Variants in ZNF608 observed in about 807,000 individuals in gnomAD.
ZNF608 encodes zinc finger protein 608, also known as renal carcinoma antigen NY-REN-36.
Under a neutral mutation model 109.0 loss-of-function variants are expected in ZNF608, and 12 were observed. That is an observed-to-expected ratio of 0.11 (90% CI 0.07 to 0.18). ZNF608 has a LOEUF of 0.18. Among genes scored for constraint, ZNF608 ranks in the 10% least tolerant of loss-of-function variants. The pLI is 1.00. For synonymous variants in ZNF608, 732 were observed against 717.4 expected, an observed-to-expected ratio of 1.02 and a Z score of -0.33; for missense variants, 1,707 against 1,879.3, an observed-to-expected ratio of 0.91 and a Z score of 1.70.
chr5:124,671,367 T>C (rs187846601), intron 3 of ZNF608, among the ~76,000 whole-genome samples: 255 of 152,290 alleles, frequency 1.7e-3, no homozygotes, highest in African/African-American at 6.0e-3. Context: ...CCTTGCCACC[T>C]GGGGTTTTAA....
intron 2 of ZNF608, among the ~76,000 whole-genome samples, chr5:124,739,037 A>C (rs1044745567): frequency 7.2e-5 from 11 of 152,222 alleles, no homozygotes; most frequent in African/African-American, 2.7e-4. Flanking sequence ...TCTTAGGAAG[A>C]GCAAGAATGC....
intron 2 of ZNF608, among the ~76,000 whole-genome samples, chr5:124,707,031 C>A (rs554212734): frequency 4.3e-4 from 65 of 152,244 alleles, no homozygotes; most frequent in African/African-American, 1.3e-3. Flanking sequence ...TGCAGGGAAA[C>A]CCTGGCAATA....
chr5:124,669,872 T>C (rs535493514), intron 3 of ZNF608, among the ~76,000 whole-genome samples: 1 of 152,320 alleles, frequency 6.6e-6, no homozygotes, highest in East Asian at 1.9e-4. Flanking sequence ...AAGAAAAATG[T>C]ACATTATACA....
intron 1 of ZNF608, chr5:124,745,468 A>G (rs1365741230): frequency 1.3e-5 from 2 of 153,618 alleles, no homozygotes; most frequent in East Asian, 1.9e-4. Context: ...CAAGTCCAGA[A>G]AGGTTTTTGT....
At position 124,746,459 on chromosome 5, in the gene ZNF608, A is replaced by G; in HGVS notation, c.-448T>C. 1 of 985,332 alleles carries G rather than the reference A, an allele frequency of 1.0e-6. No individual in the cohort carries two copies. The highest frequency in any genetic ancestry group is 1.2e-6 in the Non-Finnish European group (1 of 829,894). 61.0% of individuals were successfully genotyped at this position (985,332 alleles called of 1,614,324 possible). ...GAAAATAATGTTTCACATTCACAAC[A>G]GAAGCACCAAAGGTTTTTTTTTCCT... On this transcript the variant is annotated 5_prime_UTR_variant, in exon 1 of 10. Transcript: ENST00000513986.
chr5:124,690,924 AACACACAC>A lies in ZNF608; in HGVS notation c.1162+10082_1162+10089del, dbSNP rs35022360. 9.2e-5 allele frequency among the ~76,000 whole-genome samples: 8 copies of A among 86,994 alleles called. No individual in the cohort carries two copies. In the South Asian group the frequency reaches 2.3e-3, roughly 25 times the overall value. 57.1% of individuals were successfully genotyped at this position (86,994 alleles called of 152,430 possible). Reference sequence around the variant, plus strand: ...AGGGACTCCTTCAAAGCAACAGAAAAACACACACACACACACACACACACACACACATA... The same window carrying A: ...AGGGACTCCTTCAAAGCAACAGAAAAACACACACACACACACACACACATA... On this transcript the variant is annotated intron_variant, in intron 3 of 9. Coordinates refer to ENST00000513986, the MANE Select transcript of ZNF608 (RefSeq NM_020747.3).
chr5:124,669,658 A>C (rs201927403), intron 3 of ZNF608, among the ~76,000 whole-genome samples: 135 of 148,278 alleles, frequency 9.1e-4, no homozygotes, highest in African/African-American at 3.3e-3. Context: ...AACACACACA[A>C]ACACACACAC....
upstream of ZNF608, chr5:124,748,553 G>A (rs555108420): frequency 2.0e-6 from 2 of 985,350 alleles, no homozygotes; most frequent in African/African-American, 3.5e-5. Context: ...GGATCGAGTT[G>A]ACCTTTTCCT....
At chr5:124,693,687 A>T (rs976003831) in intron 3 of ZNF608, among the ~76,000 whole-genome samples, 9 of 152,178 alleles carry the variant, frequency 5.9e-5, no homozygotes, top group African/African-American at 2.2e-4. Context: ...TATTTTTCAC[A>T]TTGACAAGAG....
intron 2 of ZNF608, among the ~76,000 whole-genome samples, chr5:124,731,841 A>T (rs1383620710): frequency 6.6e-6 from 1 of 152,162 alleles, no homozygotes; most frequent in African/African-American, 2.4e-5. Context: ...ACAAAAAAAA[A>T]GTTTGGAGTT....
chr5:124,688,795 A>G (rs964997648), intron 3 of ZNF608, among the ~76,000 whole-genome samples: 10 of 152,242 alleles, frequency 6.6e-5, no homozygotes, highest in Admixed American at 5.9e-4. Context: ...TGGTGTGTCC[A>G]TTCCATGGAA....
chr5:124,650,365 T>C (rs945896574), intron 3 of ZNF608, among the ~76,000 whole-genome samples: 3 of 152,210 alleles, frequency 2.0e-5, no homozygotes, highest in Admixed American at 6.5e-5. Context: ...ACTCCTAAAA[T>C]AGCCCTCTTA....
chr5:124,744,367 C>A lies in ZNF608; in HGVS notation c.623G>T (p.Gly208Val). The change falls in exon 2 of 10, where the codon GGG becomes GTG. Residue 208 changes from glycine to valine, a missense_variant. Physicochemically the swap from Gly to Val is moderately radical, Grantham distance 109. Transcript: ENST00000513986. This position sits in a 1 kb window ranked among gnomAD's most constrained non-coding sequence, Gnocchi z 4.5. ...SRGAKRDKDA[G>V]KSRKDKHDLL... Reference sequence around the variant, plus strand: ...GTCGTGCTTGTCCTTCCTGGATTTCCCCGCATCCTTATCCCGCTTGGCGCC... The same window carrying A: ...GTCGTGCTTGTCCTTCCTGGATTTCACCGCATCCTTATCCCGCTTGGCGCC... The A allele has an allele frequency of 6.2e-7, 1 of 1,614,254 alleles. No individual in the cohort carries two copies. Among genetic ancestry groups the A allele is most frequent in the Non-Finnish European group, 8.5e-7 (1 of 1,180,052 alleles).
At chr5:124,709,076 CAGG>C (rs1753381807) in intron 2 of ZNF608, among the ~76,000 whole-genome samples, 1 of 144,558 alleles carries the variant, frequency 6.9e-6, no homozygotes. Context: ...GAGGCTGAGG[CAGG>C]AGAATTGCTT....
intron 3 of ZNF608, among the ~76,000 whole-genome samples, chr5:124,660,992 CCTAT>C (rs1210013793): frequency 1.3e-5 from 2 of 152,124 alleles, no homozygotes; most frequent in Non-Finnish European, 2.9e-5. Flanking sequence ...ATAAATGTGG[CCTAT>C]CTTTCTTTTA....
chr5:124,713,511 C>T lies in ZNF608; in HGVS notation c.907-12242G>A, dbSNP rs140224259. 4.1e-3 allele frequency among the ~76,000 whole-genome samples: 620 copies of T among 152,340 alleles called. 7 individuals carry two copies. The highest frequency in any genetic ancestry group is 0.01 in the Middle Eastern group (3 of 294). On this transcript the variant is annotated intron_variant, in intron 2 of 9. Transcript: ENST00000513986. Reference sequence around the variant, plus strand: ...CTCCCACAAAAAGAATTTCATACTTCTCATCAGTAGATCTGTATTACCAAA... The same window carrying T: ...CTCCCACAAAAAGAATTTCATACTTTTCATCAGTAGATCTGTATTACCAAA...
At chr5:124,643,363 C>T (rs1025857820) in intron 7 of ZNF608, 148 bp downstream of exon 7, 8 of 671,806 alleles carry the variant, frequency 1.2e-5, no homozygotes, top group Non-Finnish European at 1.7e-5. Flanking sequence ...TACTTTTGAA[C>T]GCTCCATTCT....
chr5:124,735,527 T>C (rs1425948026), intron 2 of ZNF608, among the ~76,000 whole-genome samples: 1 of 152,222 alleles, frequency 6.6e-6, no homozygotes, highest in Non-Finnish European at 1.5e-5. Context: ...ATAGAAAACC[T>C]GCACACTGAT....
chr5:124,694,617 A>C (rs1752766448), intron 3 of ZNF608, among the ~76,000 whole-genome samples: 1 of 152,068 alleles, frequency 6.6e-6, no homozygotes, highest in South Asian at 2.1e-4. Context: ...ACATGTGCAC[A>C]ACCTGCCAGT....
Sources: allele counts gnomAD v4.1 joint callset (sites outside exome capture counted in the v4.1 genomes callset), GRCh38; gene constraint gnomAD v4.1.1; non-coding constraint Gnocchi (gnomAD v3.1); transcripts MANE v1.5; gene names NCBI Gene and HGNC (gene_info 2026-07-23, HGNC 2026-07-21).